Variants in NAALADL2 observed in about 807,000 individuals in gnomAD.
NAALADL2 encodes inactive N-acetylated-alpha-linked acidic dipeptidase-like protein 2.
NAALADL2 carries 76 observed loss-of-function variants against 87.2 expected under a neutral mutation model. That is an observed-to-expected ratio of 0.87 (90% confidence interval 0.72 to 1.05). The LOEUF is 1.05. Ranked by LOEUF, NAALADL2 falls within the 50% of genes least tolerant of loss-of-function variation. The pLI is 0.00. For missense variants in NAALADL2, 1,089 were observed against 945.8 expected, an observed-to-expected ratio of 1.15 and a Z score of -1.99; for synonymous variants, 354 against 331.0, an observed-to-expected ratio of 1.07 and a Z score of -0.75.
intron 13 of NAALADL2, among the ~76,000 whole-genome samples, chr3:175,794,996 T>C (rs1291520832): frequency 2.0e-5 from 3 of 152,132 alleles, no homozygotes; most frequent in African/African-American, 7.2e-5. Flanking sequence ...CATCCTCACA[T>C]GGTAGAGCGA....
chr3:174,474,289 G>A (rs2108316531), intron 1 of NAALADL2, among the ~76,000 whole-genome samples: 1 of 152,078 alleles, frequency 6.6e-6, no homozygotes, highest in East Asian at 1.9e-4. Flanking sequence ...GATGAACAAA[G>A]TTGAAATTAA....
At chr3:175,717,197 C>T (rs1019925255) in intron 11 of NAALADL2, among the ~76,000 whole-genome samples, 7 of 152,114 alleles carry the variant, frequency 4.6e-5, no homozygotes. Flanking sequence ...CGTAGTCTCC[C>T]AAAGCACTTC....
At chr3:174,857,102 G>A (rs1180827326), upstream of NAALADL2, among the ~76,000 whole-genome samples, 1 of 152,148 alleles carries the variant, frequency 6.6e-6, no homozygotes, top group African/African-American at 2.4e-5. Flanking sequence ...GGAGCACAAG[G>A]AAGGGACCTG....
chr3:174,988,297 A>G (rs965748495), intron 1 of NAALADL2, among the ~76,000 whole-genome samples: 2 of 152,208 alleles, frequency 1.3e-5, no homozygotes, highest in Admixed American at 6.5e-5. Context: ...AGGTACCTGT[A>G]CTTCATATAC....
chr3:175,788,537 C>G (rs1485441428), intron 13 of NAALADL2, among the ~76,000 whole-genome samples: 4 of 152,094 alleles, frequency 2.6e-5, no homozygotes, highest in Non-Finnish European at 4.4e-5. Flanking sequence ...AGCCGAGGAG[C>G]AATAACCTAT....
chr3:174,811,631 A>G (rs971292291), intron 3 of NAALADL2, among the ~76,000 whole-genome samples: 1 of 152,144 alleles, frequency 6.6e-6, no homozygotes, highest in Non-Finnish European at 1.5e-5. Context: ...GGAAGGGACT[A>G]GGCTCGTCTC....
chr3:175,170,779 A>G lies in NAALADL2; in HGVS notation c.546-63152A>G, dbSNP rs1319478437. Among the ~76,000 whole-genome samples, 11 of 151,818 alleles carry G rather than the reference A, an allele frequency of 7.2e-5. No individual in the cohort carries two copies. The East Asian group carries it at 1.9e-3, about 27-fold the overall frequency. On this transcript the variant is annotated intron_variant, in intron 2 of 13. Transcript: ENST00000454872. ...TCATAACCCTTAACGTGATGTTGCC[A>G]TTAAGCATGTTTGTATTCATTGGTA... is the stretch of plus-strand genomic sequence containing the variant.
At chr3:175,734,839 C>G (rs184013930) in intron 11 of NAALADL2, among the ~76,000 whole-genome samples, 3 of 152,158 alleles carry the variant, frequency 2.0e-5, no homozygotes, top group Non-Finnish European at 4.4e-5. Context: ...GAGGGGCTGC[C>G]GCAAAGGTCT....
intron 2 of NAALADL2, among the ~76,000 whole-genome samples, chr3:175,141,690 G>A (rs1730017309): frequency 6.6e-6 from 1 of 152,100 alleles, no homozygotes; most frequent in Non-Finnish European, 1.5e-5. Flanking sequence ...AGATTGATCT[G>A]AGACTACAAT....
intron 3 of NAALADL2, among the ~76,000 whole-genome samples, chr3:174,836,640 C>T (rs1376375552): frequency 3.1e-5 from 4 of 130,090 alleles, no homozygotes; most frequent in African/African-American, 5.8e-5. Flanking sequence ...ACCCGGGAGG[C>T]GGAGCTTGCA....
intron 3 of NAALADL2, among the ~76,000 whole-genome samples, chr3:175,244,113 G>A (rs1410227515): frequency 1.3e-5 from 2 of 151,998 alleles, no homozygotes; most frequent in African/African-American, 4.8e-5. Flanking sequence ...TTTCATTCTA[G>A]GACCCTTATC....
chr3:174,853,928 T>C (rs1725564069), intron 3 of NAALADL2, among the ~76,000 whole-genome samples: 1 of 152,244 alleles, frequency 6.6e-6, no homozygotes, highest in Admixed American at 6.5e-5. Flanking sequence ...TAAACTATTA[T>C]TGGGAATGTA....
At chr3:175,128,121 A>T (rs981021495) in intron 2 of NAALADL2, among the ~76,000 whole-genome samples, 2 of 152,162 alleles carry the variant, frequency 1.3e-5, no homozygotes, top group African/African-American at 4.8e-5. Context: ...GGTTGTCAAG[A>T]TTTCTCTCCT....
chr3:175,078,303 AG>A (rs1416161509), intron 1 of NAALADL2, among the ~76,000 whole-genome samples: 1 of 152,178 alleles, frequency 6.6e-6, no homozygotes, highest in African/African-American at 2.4e-5. Context: ...CTGGGATTAC[AG>A]GCTTGAGCCA....
At chr3:174,738,842 T>C (rs1733477626) in intron 3 of NAALADL2, among the ~76,000 whole-genome samples, 1 of 152,178 alleles carries the variant, frequency 6.6e-6, no homozygotes, top group East Asian at 1.9e-4. Context: ...AATTTTATAG[T>C]ACATTTGGGG....
chr3:175,674,864 C>T (rs1734550559), intron 11 of NAALADL2, among the ~76,000 whole-genome samples: 1 of 152,108 alleles, frequency 6.6e-6, no homozygotes, highest in Non-Finnish European at 1.5e-5. Flanking sequence ...GAAAACGCTA[C>T]TGTATTTTCG....
intron 1 of NAALADL2, among the ~76,000 whole-genome samples, chr3:174,498,882 C>CCCTT (rs1718713698): frequency 6.6e-6 from 1 of 151,932 alleles, no homozygotes; most frequent in Non-Finnish European, 1.5e-5. Flanking sequence ...CATCTGTTTA[C>CCCTT]AATTGTCCAC....
At chr3:175,420,159 T>C (rs1217075204) in intron 5 of NAALADL2, among the ~76,000 whole-genome samples, 1 of 152,004 alleles carries the variant, frequency 6.6e-6, no homozygotes, top group Non-Finnish European at 1.5e-5. Flanking sequence ...AAATTTTGTA[T>C]ACCTTTACTT....
intron 3 of NAALADL2, among the ~76,000 whole-genome samples, chr3:175,247,289 T>C (rs979510936): frequency 4.8e-5 from 5 of 103,174 alleles, no homozygotes; most frequent in African/African-American, 1.3e-4. Context: ...CACACACACA[T>C]AAAACACATA....
Sources: gnomAD v4.1 joint callset for allele counts (sites outside exome capture counted in the v4.1 genomes callset) on GRCh38, gnomAD v4.1.1 for gene constraint, MANE v1.5 for transcripts, NCBI Gene and HGNC (gene_info 2026-07-23, HGNC 2026-07-21) for gene names.